SCRIB: variants seen among roughly 807,000 people sequenced by gnomAD.
SCRIB encodes the protein scribble planar cell polarity protein.
SCRIB carries 72 observed loss-of-function variants against 170.0 expected under a neutral mutation model. The observed-to-expected ratio is 0.42, with a 90% confidence interval of 0.35 to 0.52. The LOEUF is 0.52. Among genes scored for constraint, SCRIB ranks in the 20% least tolerant of loss-of-function variants. The pLI is 0.02. For synonymous variants in SCRIB, 1,298 were observed against 1,044.3 expected (o/e 1.24, Z -4.68); for missense variants, 2,475 against 2,338.5 (o/e 1.06, Z -1.20).
intron 9 of SCRIB, 109 bp from the exon 10 acceptor site, chr8:143,811,454 G>A (rs1042021967): frequency 4.2e-6 from 4 of 945,518 alleles, no homozygotes; most frequent in Non-Finnish European, 4.8e-6. Flanking sequence ...TCCAGCCAGG[G>A]TCCCTCACAG....
At position 143,807,026 on chromosome 8, in the gene SCRIB, C is replaced by T. The variant is rs1815459777; in HGVS notation, c.2179-13G>A. The T allele has an allele frequency of 1.3e-6, 2 of 1,599,280 alleles. No individual in the cohort carries two copies. The highest frequency in any genetic ancestry group is 1.7e-6 in the Non-Finnish European group (2 of 1,169,532). On this transcript the variant is annotated splice_polypyrimidine_tract_variant and intron_variant, in intron 16 of 36. Transcript: ENST00000356994. ...TAGTGAGGGTCAGCTGGAAACAGAA[C>T]AGACAGGGTGTCTAGAAGGGCCGCA...
Position 143,810,711 on chromosome 8 carries a change from G to T in SCRIB, c.1379C>A (p.Ala460Asp). The change falls in exon 12 of 37, where the codon GCT (alanine) becomes GAT (aspartate). Residue 460 changes from alanine to aspartate, a missense_variant. By Grantham distance (126) the Ala-to-Asp change is moderately radical (BLOSUM62 -2). Transcript: ENST00000356994. ...FLEAPIGDED[A>D]EEAAAEKRGL... is the part of the protein sequence containing the mutation. The stretch of plus-strand genomic sequence containing the variant: ...CCGCTTCTCAGCTGCAGCTTCCTCA[G>T]CGTCCTCATCACCTATGGGGGCCTC... The T allele has an allele frequency of 6.2e-7, 1 of 1,605,588 alleles. No individual in the cohort carries two copies. The highest frequency in any genetic ancestry group is 1.1e-5 in the South Asian group (1 of 90,782).
At position 143,791,166 on chromosome 8, in the gene SCRIB, GGAGGGCACAGGGCCCA is replaced by G; in HGVS notation, c.4949_4964del (p.Leu1650ProfsTer27). 1 of 1,422,012 alleles carries G rather than the reference GGAGGGCACAGGGCCCA, an allele frequency of 7.0e-7. No homozygotes were observed. The allele number at this position is 1,422,012 out of a possible 1,614,324, so 88.1% of individuals were successfully genotyped here. ...TCTGGGGGAGGTGCCTGCTCCTCTA[GGAGGGCACAGGGCCCA>G]GGCCACGGCGCCCAGGCCTTACGGG... On this transcript the variant is annotated frameshift_variant, in exon 37 of 37. Transcript: ENST00000356994. LOFTEE classifies it high-confidence loss of function.
At chr8:143,805,477 GCC>G in intron 18 of SCRIB, 42 bp from the exon 19 acceptor site, 1 of 1,429,964 alleles carries the variant, frequency 7.0e-7, no homozygotes, top group Non-Finnish European at 9.2e-7. Context: ...ACCCAGTGCC[GCC>G]ACAGACAGCC....
At chr8:143,801,590 C>G (rs562736628) in intron 24 of SCRIB, among the ~76,000 whole-genome samples, 21 of 152,296 alleles carry the variant, frequency 1.4e-4, no homozygotes, top group Admixed American at 3.3e-4. Context: ...CACACCTGTA[C>G]CCACAGAACA....
rs782521874 is a variant in SCRIB, at chr8:143,795,263, G to C, written c.3771+14C>G. 2.5e-6 allele frequency: 4 copies of C among 1,612,322 alleles called. No individual in the cohort carries two copies. In the African/African-American group the frequency reaches 5.3e-5, roughly 22 times the overall value. ...CAGTGCCCTGATGTGAGGGGGTGGG[G>C]CGACCACACTCACTGCGGCTTCTGT... On this transcript the variant is annotated intron_variant, in intron 26 of 36. Transcript: ENST00000356994.
intron 14 of SCRIB, among the ~76,000 whole-genome samples, chr8:143,809,318 G>A (rs1815594306): frequency 6.6e-6 from 1 of 152,070 alleles, no homozygotes; most frequent in African/African-American, 2.4e-5. Flanking sequence ...TGGGCTCTGT[G>A]AGCCCAGCCG....
rs750567209 is a variant in SCRIB, at chr8:143,811,330, G to A, written c.922C>T (p.Leu308=). ...ENLLMALPRS[L]GKLTKLTNLN... ...TTGGTCAGCTTAGTCAGCTTTCCCA[G>A]GGAGCGGGGCAGGGCCTGGCCAAGA... is the stretch of plus-strand genomic sequence containing the variant. Residue 308 remains leucine (L), a synonymous_variant, in exon 10 of 37, where the codon CTG becomes TTG. Transcript: ENST00000356994. The A allele has an allele frequency of 1.2e-5, 19 of 1,612,600 alleles. No individual in the cohort carries two copies. Among genetic ancestry groups the A allele is most frequent in the Admixed American group, 3.3e-5 (2 of 59,966 alleles).
intron 15 of SCRIB, among the ~76,000 whole-genome samples, 174 bp from the exon 16 acceptor site, chr8:143,807,788 G>A (rs782312725): frequency 6.6e-6 from 1 of 152,106 alleles, no homozygotes; most frequent in African/African-American, 2.4e-5. Flanking sequence ...CACACACCTG[G>A]GGACAAGCGG....
At chr8:143,799,754 C>A (rs536749313) in intron 24 of SCRIB, among the ~76,000 whole-genome samples, 2 of 151,690 alleles carry the variant, frequency 1.3e-5, no homozygotes, top group East Asian at 3.9e-4. Context: ...TAAAAATGCA[C>A]CAGTCCTAGA....
At chr8:143,814,330 C>T (rs1440674483) in intron 1 of SCRIB, among the ~76,000 whole-genome samples, 2 of 152,120 alleles carry the variant, frequency 1.3e-5, no homozygotes, top group Admixed American at 6.5e-5. Context: ...TCCCTCTACT[C>T]TTCACACCAG....
chr8:143,803,902 C>T lies in SCRIB; in HGVS notation c.3159G>A (p.Arg1053=), dbSNP rs782381937. ...TCACTGCCAGGATGCGGTCCCCAAC[C>T]CGCAGGCCGCTGCGAGCGGCCAGGC... ...PRGLAARSGL[R]VGDRILAVNG... is the part of the protein sequence containing the mutation. The change falls in exon 23 of 37, where the codon CGG becomes CGA. Residue 1053 remains arginine (R), a synonymous_variant. Transcript: ENST00000356994. The T allele has an allele frequency of 3.1e-6, 5 of 1,591,554 alleles. No homozygotes were observed. In the East Asian group the frequency reaches 9.1e-5, roughly 29 times the overall value.
Position 143,792,275 on chromosome 8 carries a change from G to A in SCRIB, c.4459C>T (p.Pro1487Ser), listed in dbSNP as rs1554632972. The change falls in exon 32 of 37, where the codon CCT becomes TCT. Residue 1487 changes from proline (P) to serine (S), a missense_variant. Around this residue, in one of 3 missense-constraint regions of SCRIB, gnomAD observed 1,966 missense variants for 1,742.9 expected, o/e 1.13. Coordinates refer to ENST00000356994, the MANE Select transcript of SCRIB (RefSeq NM_182706.5). ...EPPAPERALS[P>S]AELRALEAEK... ...GCCTCCAGGGCCCGGAGCTCGGCAGGGGACAGGGCACGCTCGGGTGCCGGT... is the reference window on the plus strand; with the variant it reads ...GCCTCCAGGGCCCGGAGCTCGGCAGAGGACAGGGCACGCTCGGGTGCCGGT... 9.6e-6 allele frequency: 15 copies of A among 1,570,274 alleles called. No homozygotes were observed. The highest frequency in any genetic ancestry group is 1.2e-5 in the Non-Finnish European group (14 of 1,165,546).
chr8:143,814,469 G>A (rs985654566), intron 1 of SCRIB, among the ~76,000 whole-genome samples: 5 of 152,108 alleles, frequency 3.3e-5, no homozygotes, highest in Non-Finnish European at 5.9e-5. Context: ...ACTGGCCTCT[G>A]CTACTGCATC....
At position 143,815,714 on chromosome 8, in the gene SCRIB, G is replaced by A. The variant is rs1331500452; in HGVS notation, c.-342C>T. ...TGCCGCACCGGAACCGCCGCTGCCC[G>A]CCGGACTGCCCCGCCGACACCCACC... On this transcript the variant is annotated 5_prime_UTR_variant, in exon 1 of 37. Coordinates refer to ENST00000356994, the MANE Select transcript of SCRIB (RefSeq NM_182706.5). 8.1e-6 allele frequency: 8 copies of A among 983,640 alleles called. No individual in the cohort carries two copies. The highest frequency in any genetic ancestry group is 9.6e-6 in the Non-Finnish European group (8 of 829,352). 60.9% of individuals were successfully genotyped at this position (983,640 alleles called of 1,614,324 possible). A position where few individuals can be genotyped will look rare whatever the true frequency, so the allele number is the denominator to read the frequency against.
At chr8:143,810,093 C>T (rs1287436728) in intron 13 of SCRIB, among the ~76,000 whole-genome samples, 2 of 152,154 alleles carry the variant, frequency 1.3e-5, no homozygotes, top group Non-Finnish European at 2.9e-5. Context: ...ACCCACAGCA[C>T]GCATGTCACA....
rs1563806984 is a variant in SCRIB, at chr8:143,812,306, T to C, written c.866A>G (p.Glu289Gly). The change falls in exon 9 of 37, where the codon GAG (glutamate) becomes GGG (glycine). Residue 289 changes from glutamate to glycine, a missense_variant. Around this residue, in one of 3 missense-constraint regions of SCRIB, gnomAD observed 487 missense variants for 558.1 expected, o/e 0.87. Transcript: ENST00000356994. Reference protein sequence around the residue: ...CEVTEAIGDCENLSELILTEN... With the variant: ...CEVTEAIGDCGNLSELILTEN... ...CGTGAGGATCAGCTCAGAGAGGTTC[T>C]CACAGTCCCCGATGGCCTCGGTCAC... The C allele has an allele frequency of 1.2e-6, 2 of 1,613,390 alleles. No homozygotes were observed. The highest frequency in any genetic ancestry group is 1.7e-6 in the Non-Finnish European group (2 of 1,179,530).
intron 24 of SCRIB, among the ~76,000 whole-genome samples, chr8:143,799,178 C>G (rs1288720456): frequency 2.6e-5 from 4 of 152,222 alleles, no homozygotes; most frequent in Non-Finnish European, 5.9e-5. Context: ...GAGCTCACAT[C>G]AGGACAGAAA....
chr8:143,791,560 A>C, intron 35 of SCRIB, 106 bp downstream of exon 35: 2 of 1,553,730 alleles, frequency 1.3e-6, no homozygotes, highest in East Asian at 4.5e-5. Flanking sequence ...GGGGGGGTGA[A>C]GAGGCAGGGC....
Sources: allele counts gnomAD v4.1 joint callset (sites outside exome capture counted in the v4.1 genomes callset), GRCh38; gene constraint gnomAD v4.1.1; regional missense constraint gnomAD v4.1.1; transcripts MANE v1.5; gene names NCBI Gene and HGNC (gene_info 2026-07-23, HGNC 2026-07-21).